PLXDC2: variants seen among roughly 807,000 people sequenced by gnomAD.
PLXDC2 encodes plexin domain-containing protein 2.
In PLXDC2, 40 loss-of-function variants were observed where a neutral mutation model predicts 68.9. The ratio of observed to expected loss-of-function variants is 0.58; its 90% CI spans 0.45 to 0.76. The LOEUF (loss-of-function observed/expected upper bound fraction) is 0.76, where lower values mean the gene tolerates loss of function less well. Among genes scored for constraint, PLXDC2 ranks in the 30% least tolerant of loss-of-function variants. The pLI is 0.00. For synonymous variants in PLXDC2, 243 were observed against 234.2 expected (o/e 1.04, Z -0.34); for missense variants, 644 against 661.9 (o/e 0.97, Z 0.30).
chr10:20,055,463 A>G (rs576453881), intron 3 of PLXDC2, among the ~76,000 whole-genome samples: 4 of 152,252 alleles, frequency 2.6e-5, no homozygotes, highest in African/African-American at 9.6e-5. Flanking sequence ...TTTCAAAATG[A>G]TTAAATTGAA....
At chr10:20,093,648 G>T (rs1345220426) in intron 4 of PLXDC2, among the ~76,000 whole-genome samples, 2 of 152,104 alleles carry the variant, frequency 1.3e-5, no homozygotes, top group Non-Finnish European at 2.9e-5. Context: ...AGAGAAAATA[G>T]CTAAAAACAA....
At chr10:19,878,954 A>G (rs754863060) in intron 1 of PLXDC2, among the ~76,000 whole-genome samples, 6 of 152,190 alleles carry the variant, frequency 3.9e-5, no homozygotes, top group Admixed American at 2.0e-4. Flanking sequence ...CTCCTCCACA[A>G]AGGTATAGAA....
At chr10:20,123,998 G>A (rs1490323323) in intron 4 of PLXDC2, among the ~76,000 whole-genome samples, 2 of 150,670 alleles carry the variant, frequency 1.3e-5, no homozygotes, top group Non-Finnish European at 3.0e-5. Flanking sequence ...AGGGGTTGGG[G>A]GTTTCTTGCC....
Position 20,245,537 on chromosome 10 carries a change from G to A in PLXDC2, c.1473+32G>A, listed in dbSNP as rs77692482. 2,935 of 1,589,208 alleles carry A rather than the reference G, an allele frequency of 1.8e-3. 33 individuals are homozygous for A. The African/African-American group carries it at 0.032, about 18-fold the overall frequency. On this transcript the variant is annotated intron_variant, in intron 13 of 13. Coordinates refer to ENST00000377252, the MANE Select transcript of PLXDC2 (RefSeq NM_032812.9). The stretch of plus-strand genomic sequence containing the variant: ...GTTGAGTTTAACACATGAAAACCAC[G>A]CCAGTTGATGAACTGTATCCGTTTG...
chr10:20,205,584 A>G (rs1834980380), intron 9 of PLXDC2, among the ~76,000 whole-genome samples: 1 of 152,112 alleles, frequency 6.6e-6, no homozygotes, highest in Non-Finnish European at 1.5e-5. Flanking sequence ...TGGTACATAT[A>G]ATTAACTCCT....
intron 12 of PLXDC2, among the ~76,000 whole-genome samples, chr10:20,241,452 A>G (rs1588538061): frequency 3.3e-5 from 5 of 152,286 alleles, no homozygotes; most frequent in African/African-American, 1.2e-4. Context: ...TCAACTCACA[A>G]ATACCTTAAT....
At chr10:20,143,166 G>A (rs1394543350) in intron 4 of PLXDC2, 129 bp from the exon 5 acceptor site, 21 of 937,418 alleles carry the variant, frequency 2.2e-5, no homozygotes, top group Non-Finnish European at 2.9e-5. Flanking sequence ...TATTAAATAT[G>A]TTCCTTTTTT....
At chr10:19,871,829 T>G (rs965456866) in intron 1 of PLXDC2, among the ~76,000 whole-genome samples, 6 of 146,858 alleles carry the variant, frequency 4.1e-5, no homozygotes, top group Non-Finnish European at 8.9e-5. Flanking sequence ...GAGGTTGCAG[T>G]GAGCCAAGAT....
chr10:20,246,353 TTTTG>T (rs1232686817), intron 13 of PLXDC2, among the ~76,000 whole-genome samples: 11 of 152,286 alleles, frequency 7.2e-5, no homozygotes, highest in African/African-American at 2.6e-4. Flanking sequence ...TGCAGGTTTT[TTTTG>T]TTTGTTTGTT....
At chr10:19,874,826 C>A (rs115497785) in intron 1 of PLXDC2, among the ~76,000 whole-genome samples, 2 of 151,996 alleles carry the variant, frequency 1.3e-5, no homozygotes, top group Non-Finnish European at 2.9e-5. Context: ...CTAGGGGACC[C>A]GGGGGATATC....
intron 12 of PLXDC2, among the ~76,000 whole-genome samples, chr10:20,223,228 G>A (rs1319394619): frequency 2.6e-5 from 4 of 152,054 alleles, no homozygotes; most frequent in African/African-American, 7.2e-5. Context: ...ACATGGCAGA[G>A]CTGGGATGTG....
chr10:20,060,323 A>C (rs1207214385), intron 3 of PLXDC2, among the ~76,000 whole-genome samples: 2 of 152,130 alleles, frequency 1.3e-5, no homozygotes, highest in African/African-American at 4.8e-5. Context: ...CACCCGGCCT[A>C]TATTACTTTT....
Position 19,946,203 on chromosome 10 carries a change from A to C in PLXDC2, c.113-55572A>C, listed in dbSNP as rs1252396555. Among the ~76,000 whole-genome samples, 6 of 152,292 alleles carry C rather than the reference A, an allele frequency of 3.9e-5. No homozygotes were observed. In the Middle Eastern group the frequency reaches 0.01, roughly 259 times the overall value. On this transcript the variant is annotated intron_variant, in intron 1 of 13. Transcript: ENST00000377252. ...CATCTCCTCCTCTACCTAATTCTAG[A>C]TGTCACTGCCTGAGTGAGTAATCTT...
At chr10:19,844,596 A>T (rs1400581958) in intron 1 of PLXDC2, among the ~76,000 whole-genome samples, 3 of 136,568 alleles carry the variant, frequency 2.2e-5, no homozygotes, top group Non-Finnish European at 3.3e-5. Context: ...ATTTTTCAAT[A>T]TTTTTTTTTC....
chr10:20,172,966 C>G (rs1834468609), intron 7 of PLXDC2, among the ~76,000 whole-genome samples: 1 of 152,196 alleles, frequency 6.6e-6, no homozygotes, highest in Admixed American at 6.5e-5. Flanking sequence ...AAAAATGATT[C>G]TGGCAAATGC....
chr10:20,149,270 C>G (rs1353364881), intron 6 of PLXDC2, among the ~76,000 whole-genome samples: 14 of 66,690 alleles, frequency 2.1e-4, no homozygotes, highest in Non-Finnish European at 3.5e-4. Flanking sequence ...TGGAGTTTCA[C>G]TCTTGTTGCC....
chr10:19,926,026 T>C (rs1211508079), intron 1 of PLXDC2, among the ~76,000 whole-genome samples: 2 of 152,194 alleles, frequency 1.3e-5, no homozygotes, highest in Admixed American at 6.5e-5. Context: ...CTCGGGGAGC[T>C]GAAGTTGACA....
chr10:20,141,881 A>G (rs1834011448), intron 4 of PLXDC2, among the ~76,000 whole-genome samples: 1 of 152,052 alleles, frequency 6.6e-6, no homozygotes, highest in Admixed American at 6.6e-5. Flanking sequence ...TGCTTGGCAA[A>G]TAAGAAACAA....
At chr10:20,172,150 C>G (rs1473941497) in intron 7 of PLXDC2, among the ~76,000 whole-genome samples, 1 of 150,778 alleles carries the variant, frequency 6.6e-6, no homozygotes, top group Non-Finnish European at 1.5e-5. Flanking sequence ...GCCTCTGAGG[C>G]CTTCATTTTG....
Sources: gnomAD v4.1 joint callset for allele counts (sites outside exome capture counted in the v4.1 genomes callset) on GRCh38, gnomAD v4.1.1 for gene constraint, MANE v1.5 for transcripts, NCBI Gene and HGNC (gene_info 2026-07-23, HGNC 2026-07-21) for gene names.